ESRRG: variants seen among roughly 807,000 people sequenced by gnomAD.
ESRRG encodes the protein estrogen related receptor gamma.
In ESRRG, 13 loss-of-function variants were observed where a neutral mutation model predicts 44.0. The ratio of observed to expected loss-of-function variants is 0.30; its 90% CI spans 0.19 to 0.47. ESRRG has a LOEUF of 0.47. Among genes scored for constraint, ESRRG ranks in the 20% least tolerant of loss-of-function variants. The pLI, the probability that ESRRG is intolerant of heterozygous loss-of-function variation, is 1.00. For missense variants in ESRRG, 395 were observed against 580.6 expected (o/e 0.68, Z 3.29); for synonymous variants, 215 against 214.6 (o/e 1.00, Z -0.02).
chr1:216,958,735 C>T (rs952437050), intron 1 of ESRRG, among the ~76,000 whole-genome samples: 4 of 152,082 alleles, frequency 2.6e-5, no homozygotes, highest in East Asian at 1.9e-4. Flanking sequence ...CACGATCTGC[C>T]GCTCGGGTAA....
At chr1:216,604,078 C>T (rs774531585) in intron 3 of ESRRG, among the ~76,000 whole-genome samples, 2 of 151,964 alleles carry the variant, frequency 1.3e-5, no homozygotes, top group Non-Finnish European at 2.9e-5. Context: ...TAGGAAACTG[C>T]GGTTCCACCT....
intron 2 of ESRRG, among the ~76,000 whole-genome samples, chr1:216,913,530 A>G (rs534932084): frequency 6.6e-6 from 1 of 152,364 alleles, no homozygotes; most frequent in East Asian, 1.9e-4. Flanking sequence ...ATGTATCATT[A>G]TTGCTTCACA....
At chr1:216,958,485 T>C (rs1224632589) in intron 1 of ESRRG, among the ~76,000 whole-genome samples, 2 of 147,352 alleles carry the variant, frequency 1.4e-5, no homozygotes, top group Non-Finnish European at 3.0e-5. Context: ...TTAATGGGTA[T>C]ACAATGGCAT....
chr1:217,044,878 A>C lies in ESRRG; in HGVS notation c.-106+44629T>G, dbSNP rs575174113. On this transcript the variant is annotated intron_variant, in intron 1 of 7. Coordinates refer to the ESRRG transcript ENST00000359162. ...ACCTTCTATGCTTGTGCACTCACAC[A>C]CAGACACACACAAACACACTCACAT... is the stretch of plus-strand genomic sequence containing the variant. 3.3e-5 allele frequency among the ~76,000 whole-genome samples: 5 copies of C among 152,322 alleles called. No individual in the cohort carries two copies. In the South Asian group the frequency reaches 6.2e-4, roughly 19 times the overall value.
At chr1:216,512,473 G>A (rs920363574) in intron 6 of ESRRG, among the ~76,000 whole-genome samples, 2 of 152,034 alleles carry the variant, frequency 1.3e-5, no homozygotes, top group African/African-American at 2.4e-5. Context: ...TTTTTTATGG[G>A]TAAATGAGCA....
intron 1 of ESRRG, among the ~76,000 whole-genome samples, chr1:216,698,541 A>T (rs980388474): frequency 4.0e-4 from 60 of 150,536 alleles, no homozygotes; most frequent in African/African-American, 1.3e-3. Flanking sequence ...AAAAAAAAAA[A>T]TTTGCAAGTT....
At chr1:216,698,486 T>C (rs1294578646) in intron 1 of ESRRG, among the ~76,000 whole-genome samples, 1 of 124,248 alleles carries the variant, frequency 8.0e-6, no homozygotes, top group African/African-American at 3.1e-5. Flanking sequence ...GCCACTGCAC[T>C]CCAGCCTGGG....
chr1:217,098,993 C>A (rs2092465391), intron 1 of ESRRG, among the ~76,000 whole-genome samples: 1 of 152,164 alleles, frequency 6.6e-6, no homozygotes, highest in South Asian at 2.1e-4. Flanking sequence ...TTCTTTTCCC[C>A]CATAGCCCTT....
chr1:217,051,011 A>G (rs901725205), intron 1 of ESRRG, among the ~76,000 whole-genome samples: 12 of 152,092 alleles, frequency 7.9e-5, no homozygotes, highest in Non-Finnish European at 1.5e-4. Flanking sequence ...GGAAAGAGGA[A>G]TCTTTTTTAA....
intron 2 of ESRRG, among the ~76,000 whole-genome samples, chr1:216,821,164 T>C (rs181609180): frequency 6.6e-6 from 1 of 152,248 alleles, no homozygotes; most frequent in Non-Finnish European, 1.5e-5. Flanking sequence ...GTAACTACGG[T>C]TGTCACCGCT....
rs536680655 is a variant in ESRRG, at chr1:216,694,549, T to TTTTTA, written c.57-17063_57-17059dup. On this transcript the variant is annotated intron_variant, in intron 1 of 6. Coordinates refer to ENST00000408911, the MANE Select transcript of ESRRG (RefSeq NM_001438.4). ...CTTTTTTCTTTTTCTTATCTTTTCT[T>TTTTTA]TTTTATTTTATTTTATTTTATTTTT... is the stretch of plus-strand genomic sequence containing the variant. 8.9e-4 allele frequency among the ~76,000 whole-genome samples: 135 copies of TTTTTA among 152,064 alleles called. 1 individual carries two copies. Among genetic ancestry groups the TTTTTA allele is most frequent in the East Asian group, 1.4e-3 (7 of 5,172 alleles).
intron 3 of ESRRG, among the ~76,000 whole-genome samples, chr1:216,646,389 T>C (rs1008852187): frequency 1.3e-5 from 2 of 152,174 alleles, no homozygotes; most frequent in Admixed American, 6.6e-5. Flanking sequence ...CTAGACCCTG[T>C]ATCTACATTA....
chr1:216,910,574 G>A (rs1285765107), intron 2 of ESRRG, among the ~76,000 whole-genome samples: 1 of 152,146 alleles, frequency 6.6e-6, no homozygotes, highest in Non-Finnish European at 1.5e-5. Flanking sequence ...TCACAGGACT[G>A]GACAGAGGAT....
At chr1:217,045,056 C>G (rs2151171739) in intron 1 of ESRRG, among the ~76,000 whole-genome samples, 1 of 152,270 alleles carries the variant, frequency 6.6e-6, no homozygotes, top group East Asian at 1.9e-4. Flanking sequence ...AGAAGCACAC[C>G]TGGTTTATTG....
intron 2 of ESRRG, among the ~76,000 whole-genome samples, chr1:216,899,995 A>G (rs532911856): frequency 1.2e-3 from 177 of 152,306 alleles, no homozygotes; most frequent in African/African-American, 4.1e-3. Context: ...ACTGTATATC[A>G]CAATGCACTA....
intron 2 of ESRRG, among the ~76,000 whole-genome samples, chr1:216,834,618 A>G (rs2095535510): frequency 6.6e-6 from 1 of 152,154 alleles, no homozygotes; most frequent in South Asian, 2.1e-4. Context: ...TGTTTGAAAA[A>G]TGATTGTCTT....
intron 2 of ESRRG, among the ~76,000 whole-genome samples, chr1:216,758,859 A>G (rs575383497): frequency 6.2e-4 from 94 of 152,106 alleles, no homozygotes; most frequent in Non-Finnish European, 9.7e-4. Context: ...TAATAATATT[A>G]TTATTTAGCA....
At chr1:216,780,391 G>T (rs77752886) in intron 2 of ESRRG, among the ~76,000 whole-genome samples, 1 of 152,040 alleles carries the variant, frequency 6.6e-6, no homozygotes, top group East Asian at 1.9e-4. Context: ...ATGGACCCTG[G>T]GAATGCCTGG....
intron 1 of ESRRG, among the ~76,000 whole-genome samples, chr1:216,978,413 CACAG>C (rs1318635527): frequency 2.0e-5 from 3 of 152,172 alleles, no homozygotes; most frequent in African/African-American, 7.2e-5. Context: ...GCCTAAGGTA[CACAG>C]ACAGTGCCAA....
Sources: gnomAD v4.1 joint callset for allele counts (sites outside exome capture counted in the v4.1 genomes callset) on GRCh38, gnomAD v4.1.1 for gene constraint, MANE v1.5 for transcripts, NCBI Gene and HGNC (gene_info 2026-07-23, HGNC 2026-07-21) for gene names.